CHST8: variants seen among roughly 807,000 people sequenced by gnomAD.
CHST8 encodes carbohydrate sulfotransferase 8.
Under a neutral mutation model 15.0 loss-of-function variants are expected in CHST8, and 10 were observed. The observed-to-expected ratio is 0.67, with a 90% CI of 0.41 to 1.13. CHST8 has a LOEUF of 1.13. Ranked by LOEUF, CHST8 falls within the 50% of genes most tolerant of loss-of-function variation. The pLI is 0.00. For synonymous variants in CHST8, 259 were observed against 256.6 expected (o/e 1.01, Z -0.09); for missense variants, 634 against 608.2 (o/e 1.04, Z -0.45).
At chr19:33,691,492 T>C (rs536835050) in intron 3 of CHST8, among the ~76,000 whole-genome samples, 14 of 152,366 alleles carry the variant, frequency 9.2e-5, no homozygotes, top group African/African-American at 3.1e-4. Flanking sequence ...TGTGTTGATT[T>C]GTTACTATTC....
chr19:33,705,703 C>G (rs990297035), intron 3 of CHST8, among the ~76,000 whole-genome samples: 1 of 152,120 alleles, frequency 6.6e-6, no homozygotes. Context: ...GCCACCCTGG[C>G]TCCCTTTCTG....
intron 2 of CHST8, among the ~76,000 whole-genome samples, chr19:33,675,019 G>T (rs1376132530): frequency 6.6e-6 from 1 of 152,176 alleles, no homozygotes; most frequent in Non-Finnish European, 1.5e-5. Context: ...ACAGGATGGA[G>T]CCGTAGAGAC....
chr19:33,742,104 A>C (rs1194348504), intron 3 of CHST8, among the ~76,000 whole-genome samples: 1 of 152,158 alleles, frequency 6.6e-6, no homozygotes. Context: ...TCCTTCCCCA[A>C]GTGTACACCT....
intron 3 of CHST8, among the ~76,000 whole-genome samples, chr19:33,717,082 C>T (rs968298148): frequency 1.3e-5 from 2 of 152,096 alleles, no homozygotes; most frequent in Non-Finnish European, 1.5e-5. Context: ...GGGCCTCAAC[C>T]CCAGCCAGTG....
intron 3 of CHST8, among the ~76,000 whole-genome samples, chr19:33,720,772 T>C (rs995540609): frequency 6.6e-6 from 1 of 152,216 alleles, no homozygotes; most frequent in Non-Finnish European, 1.5e-5. Context: ...AGGCCCCCAC[T>C]CCCCTATCCT....
intron 1 of CHST8, among the ~76,000 whole-genome samples, chr19:33,639,121 A>T (rs1023517064): frequency 2.0e-5 from 3 of 151,034 alleles, no homozygotes; most frequent in African/African-American, 7.3e-5. Context: ...AGGAGGTACA[A>T]TATGCGATTA....
chr19:33,666,945 GC>G (rs1972670855), intron 1 of CHST8, among the ~76,000 whole-genome samples: 1 of 152,100 alleles, frequency 6.6e-6, no homozygotes, highest in Non-Finnish European at 1.5e-5. Flanking sequence ...CAAGTGATCT[GC>G]CTGCCTCGGC....
chr19:33,769,844 A>G (rs546541815), intron 3 of CHST8, among the ~76,000 whole-genome samples: 1 of 152,232 alleles, frequency 6.6e-6, no homozygotes, highest in East Asian at 1.9e-4. Flanking sequence ...GTGCCCAGGA[A>G]GATGGGGACA....
intron 1 of CHST8, among the ~76,000 whole-genome samples, chr19:33,634,144 G>A (rs992312379): frequency 6.6e-6 from 1 of 152,096 alleles, no homozygotes; most frequent in Non-Finnish European, 1.5e-5. Context: ...TTTTCTAAAG[G>A]GGTCGTACTG....
At chr19:33,724,478 G>A (rs1045477407) in intron 3 of CHST8, among the ~76,000 whole-genome samples, 6 of 147,630 alleles carry the variant, frequency 4.1e-5, no homozygotes, top group Admixed American at 4.0e-4. Context: ...GTGGCTGCGG[G>A]GCTGGCAGCC....
intron 1 of CHST8, among the ~76,000 whole-genome samples, chr19:33,632,837 C>G (rs541843509): frequency 6.6e-6 from 1 of 152,008 alleles, no homozygotes; most frequent in Non-Finnish European, 1.5e-5. Flanking sequence ...GGTGCAATCT[C>G]GGCTCACTGC....
rs372363019 is a variant in CHST8 at position 33,772,184 on chromosome 19, G to T, written c.396G>T (p.Ala132=). 1 of 1,597,188 alleles carries T rather than the reference G, an allele frequency of 6.3e-7. No individual in the cohort carries two copies. The highest frequency in any genetic ancestry group is 8.5e-7 in the Non-Finnish European group (1 of 1,174,222). The change falls in exon 5 of 5, where the codon GCG becomes GCT. Residue 132 remains alanine, a synonymous_variant. Transcript: ENST00000650847. ...AATIPANSSD[A]PFIRPGPGTL... ...CCATCCCGGCCAACAGCTCGGACGC[G>T]CCCTTCATCCGGCCGGGACCCGGGA...
intron 3 of CHST8, among the ~76,000 whole-genome samples, chr19:33,714,884 C>G (rs1470172326): frequency 6.6e-6 from 1 of 152,188 alleles, no homozygotes; most frequent in Non-Finnish European, 1.5e-5. Context: ...TCCAATAAAC[C>G]TCTTTCTTTT....
intron 2 of CHST8, chr19:33,684,396 G>A (rs896127375): frequency 2.0e-5 from 3 of 152,328 alleles, no homozygotes; most frequent in African/African-American, 7.2e-5. Flanking sequence ...TCAGGACCCA[G>A]GCCAGCGCTC....
intron 3 of CHST8, among the ~76,000 whole-genome samples, chr19:33,733,023 G>A (rs895296686): frequency 6.6e-6 from 1 of 152,008 alleles, no homozygotes; most frequent in Non-Finnish European, 1.5e-5. Flanking sequence ...ATGATTGATT[G>A]GCTGCATGAC....
chr19:33,723,493 G>A lies in CHST8; in HGVS notation c.130+34102G>A, dbSNP rs71351736. Among the ~76,000 whole-genome samples the A allele has an allele frequency of 4.3e-3, 650 of 152,302 alleles. 1 individual carries two copies. The highest frequency in any genetic ancestry group is 6.5e-3 in the Non-Finnish European group (439 of 68,020). On this transcript the variant is annotated intron_variant, in intron 3 of 4. Coordinates refer to ENST00000650847, the MANE Select transcript of CHST8 (RefSeq NM_001127895.2). Reference sequence around the variant, plus strand: ...CTCTAGGAGACAGGATTCCCAGCAGGCTGTCCTTCCCTGAGCCATTTCACT... The same window carrying A: ...CTCTAGGAGACAGGATTCCCAGCAGACTGTCCTTCCCTGAGCCATTTCACT...
chr19:33,740,394 G>A (rs1229879057), intron 3 of CHST8, among the ~76,000 whole-genome samples: 1 of 152,230 alleles, frequency 6.6e-6, no homozygotes, highest in Non-Finnish European at 1.5e-5. Context: ...GGGCTGAGAA[G>A]ATCTTCAGGT....
chr19:33,660,860 T>C (rs1009748556), intron 1 of CHST8, among the ~76,000 whole-genome samples: 2 of 152,208 alleles, frequency 1.3e-5, no homozygotes, highest in Non-Finnish European at 2.9e-5. Flanking sequence ...TTCAATAAGA[T>C]TGCTGTCTAA....
At chr19:33,719,746 C>CA (rs36093900) in intron 3 of CHST8, among the ~76,000 whole-genome samples, 2,787 of 143,618 alleles carry the variant, frequency 0.019, 27 homozygotes, top group Non-Finnish European at 0.028. Flanking sequence ...CTGTGAGTTA[C>CA]AAAAAAAAAA....
Sources: allele counts gnomAD v4.1 joint callset (sites outside exome capture counted in the v4.1 genomes callset), GRCh38; gene constraint gnomAD v4.1.1; transcripts MANE v1.5; gene names NCBI Gene and HGNC (gene_info 2026-07-23, HGNC 2026-07-21).